The following SQOR variants were observed in gnomAD, a reference collection of about 807,000 sequenced individuals.
The protein encoded by SQOR is sulfide:quinone oxidoreductase, mitochondrial.
SQOR carries 39 observed loss-of-function variants against 48.6 expected under a neutral mutation model. The observed-to-expected ratio is 0.80, with a 90% CI of 0.62 to 1.05. SQOR has a LOEUF of 1.05. SQOR is among the 50% of genes least tolerant of loss of function. SQOR has a pLI of 0.00. For synonymous variants in SQOR, 220 were observed against 206.2 expected (o/e 1.07, Z -0.57); for missense variants, 561 against 559.9 (o/e 1.00, Z -0.02).
intron 8 of SQOR, 40 bp downstream of exon 8, chr15:45,688,444 C>A: frequency 1.4e-6 from 2 of 1,409,516 alleles, no homozygotes; most frequent in Non-Finnish European, 2.0e-6. Context: ...CAATGATCAT[C>A]TTCCATTCTG....
At chr15:45,657,949 A>G (rs1393766242) in intron 1 of SQOR, among the ~76,000 whole-genome samples, 1 of 152,042 alleles carries the variant, frequency 6.6e-6, no homozygotes, top group Non-Finnish European at 1.5e-5. Flanking sequence ...GAGCCACTCA[A>G]GGTTTACAAG....
At chr15:45,687,364 G>A (rs150779630) in intron 7 of SQOR, among the ~76,000 whole-genome samples, 1,760 of 152,182 alleles carry the variant, frequency 0.012, 17 homozygotes, top group Non-Finnish European at 0.015. Flanking sequence ...CACTTTCCTC[G>A]GCCTCCCAAA....
intron 7 of SQOR, among the ~76,000 whole-genome samples, chr15:45,683,143 A>G (rs372715821): frequency 2.6e-5 from 4 of 152,024 alleles, no homozygotes; most frequent in East Asian, 1.9e-4. Flanking sequence ...GATCTTATCT[A>G]CCTTTTCTAG....
chr15:45,675,953 G>A (rs978995013), intron 5 of SQOR, 148 bp from the exon 6 acceptor site: 26 of 732,450 alleles, frequency 3.5e-5, no homozygotes, highest in Non-Finnish European at 5.5e-5. Flanking sequence ...GGAGGCAGTG[G>A]ATTGGTCTAC....
intron 1 of SQOR, among the ~76,000 whole-genome samples, chr15:45,637,618 CG>C (rs1895027022): frequency 6.6e-6 from 1 of 151,930 alleles, no homozygotes; most frequent in Admixed American, 6.6e-5. Flanking sequence ...ACATTTGGAA[CG>C]GGGGTGTTTG....
At chr15:45,651,519 G>A (rs181964250) in intron 1 of SQOR, among the ~76,000 whole-genome samples, 9 of 152,378 alleles carry the variant, frequency 5.9e-5, no homozygotes, top group South Asian at 2.1e-4. Context: ...CCGAGGAGGT[G>A]CTGAGAGCGA....
At chr15:45,643,030 T>C (rs1052975450) in intron 1 of SQOR, among the ~76,000 whole-genome samples, 2 of 152,240 alleles carry the variant, frequency 1.3e-5, no homozygotes, top group African/African-American at 4.8e-5. Flanking sequence ...GAAGATTCTC[T>C]TACTCAAAGC....
Position 45,665,345 on chromosome 15 carries a change from C to CTCATG in SQOR, c.405+3222_405+3226dup, listed in dbSNP as rs1027510081. Reference sequence around the variant, plus strand: ...CAGATATCAGAAATACACATGACATCTCATGTGAGAAATCATCCTGCTGGT... The same window carrying CTCATG: ...CAGATATCAGAAATACACATGACATCTCATGTCATGTGAGAAATCATCCTGCTGGT... On this transcript the variant is annotated intron_variant, in intron 3 of 9. Transcript: ENST00000260324. Among the ~76,000 whole-genome samples the CTCATG allele has an allele frequency of 6.6e-5, 10 of 152,278 alleles. No individual in the cohort carries two copies. The South Asian group carries it at 1.4e-3, about 22-fold the overall frequency.
At chr15:45,673,088 G>A (rs1889972146) in intron 4 of SQOR, among the ~76,000 whole-genome samples, 1 of 152,118 alleles carries the variant, frequency 6.6e-6, no homozygotes, top group African/African-American at 2.4e-5. Context: ...ATTTACACAG[G>A]GTCACAATGC....
At position 45,689,161 on chromosome 15, in the gene SQOR, C is replaced by T. The variant is rs1315520052; in HGVS notation, c.1239C>T (p.Ser413=). 8 of 1,613,986 alleles carry T rather than the reference C, an allele frequency of 5.0e-6. No homozygotes were observed. The highest frequency in any genetic ancestry group is 1.3e-5 in the African/African-American group (1 of 74,888). ...FPFDQSKERL[S]MYLMKADLMP... is the part of the protein sequence containing the mutation. ...TTGATCAAAGCAAAGAGCGCCTTTC[C>T]ATGTATCTCATGAAAGCTGACCTGA... Residue 413 remains serine (S), a synonymous_variant, in exon 9 of 10, where the codon TCC becomes TCT. Transcript: ENST00000260324.
Position 45,683,876 on chromosome 15 carries a change from A to G in SQOR, c.1048+1215A>G, listed in dbSNP as rs949341974. On this transcript the variant is annotated intron_variant, in intron 7 of 9. Transcript: ENST00000260324. ...ATTATGTGTGTGTGTGTGTGTGTAC[A>G]TATATATATATATATTTTTGTTTGT... 8.6e-5 allele frequency among the ~76,000 whole-genome samples: 12 copies of G among 138,776 alleles called. No homozygotes were observed. The South Asian group carries it at 8.8e-4, about 10-fold the overall frequency. The allele number at this position is 138,776 out of a possible 152,430, so 91.0% of individuals were successfully genotyped here.
chr15:45,645,003 T>G (rs966847442), intron 1 of SQOR, among the ~76,000 whole-genome samples: 1 of 152,038 alleles, frequency 6.6e-6, no homozygotes, highest in African/African-American at 2.4e-5. Flanking sequence ...GTCTCTGGGA[T>G]TAGCAAGACC....
intron 9 of SQOR, 139 bp from the exon 10 acceptor site, chr15:45,690,834 C>T (rs148964661): frequency 1.3e-6 from 1 of 770,806 alleles, no homozygotes; most frequent in African/African-American, 1.7e-5. Flanking sequence ...TGGGATCTCT[C>T]CAACTCACTA....
At chr15:45,667,941 C>CT (rs1204451548) in intron 3 of SQOR, among the ~76,000 whole-genome samples, 35,832 of 103,540 alleles carry the variant, frequency 0.35, 7,545 homozygotes, top group Non-Finnish European at 0.46. Context: ...TTCTTTCTTT[C>CT]TTTTTTTTTT....
At chr15:45,663,862 A>G (rs1889764877) in intron 3 of SQOR, among the ~76,000 whole-genome samples, 1 of 152,228 alleles carries the variant, frequency 6.6e-6, no homozygotes, top group African/African-American at 2.4e-5. Flanking sequence ...TCATTCTACA[A>G]ATATTTATTA....
At chr15:45,647,282 T>C (rs985449773) in intron 1 of SQOR, among the ~76,000 whole-genome samples, 1 of 150,064 alleles carries the variant, frequency 6.7e-6, no homozygotes, top group Non-Finnish European at 1.5e-5. Flanking sequence ...ATATATTCAC[T>C]CTCACCTCCC....
At chr15:45,660,981 T>G (rs1737517035) in intron 2 of SQOR, among the ~76,000 whole-genome samples, 1 of 152,022 alleles carries the variant, frequency 6.6e-6, no homozygotes, top group African/African-American at 2.4e-5. Context: ...ACAACTAACT[T>G]AGATCAAGAA....
chr15:45,686,152 A>G (rs890795804), intron 7 of SQOR, among the ~76,000 whole-genome samples: 1 of 150,114 alleles, frequency 6.7e-6, no homozygotes, highest in East Asian at 2.0e-4. Context: ...GGCCTCATTT[A>G]ATATATATAT....
chr15:45,688,892 A>G (rs1330295213), intron 8 of SQOR, 147 bp from the exon 9 acceptor site: 2 of 629,670 alleles, frequency 3.2e-6, no homozygotes, highest in African/African-American at 3.8e-5. Context: ...TTTGTAATAT[A>G]ATTTACATTT....
Sources: allele counts gnomAD v4.1 joint callset (sites outside exome capture counted in the v4.1 genomes callset), GRCh38; gene constraint gnomAD v4.1.1; transcripts MANE v1.5; gene names NCBI Gene and HGNC (gene_info 2026-07-23, HGNC 2026-07-21).